The following SUN3 variants were observed in gnomAD, a reference collection of about 807,000 sequenced individuals.
SUN3 encodes SUN domain-containing protein 3.
A neutral mutation model predicts 48.2 loss-of-function variants in SUN3; 36 were observed. The ratio of observed to expected loss-of-function variants is 0.75; its 90% CI spans 0.57 to 0.99. SUN3 has a LOEUF of 0.99. Among genes scored for constraint, SUN3 ranks in the 50% least tolerant of loss-of-function variants. SUN3 has a pLI of 0.00. For missense variants in SUN3, 419 were observed against 433.1 expected (o/e 0.97, Z 0.29); for synonymous variants, 148 against 147.9 (o/e 1.00, Z 0.00).
At chr7:48,028,321 T>G (rs1329319251) in intron 1 of SUN3, among the ~76,000 whole-genome samples, 1 of 151,704 alleles carries the variant, frequency 6.6e-6, no homozygotes, top group Non-Finnish European at 1.5e-5. Context: ...ATGTTCTCAC[T>G]AGAGGAAACA....
intron 4 of SUN3, among the ~76,000 whole-genome samples, chr7:48,008,041 C>A (rs1005510785): frequency 6.6e-6 from 1 of 152,106 alleles, no homozygotes. Flanking sequence ...CCAGACTGGT[C>A]TCAAACTCCT....
chr7:47,991,814 G>C (rs1258761884), intron 8 of SUN3, among the ~76,000 whole-genome samples: 1 of 152,060 alleles, frequency 6.6e-6, no homozygotes. Context: ...GGGAGTGTGG[G>C]GGAAAGGAGC....
intron 5 of SUN3, 35 bp from the exon 6 acceptor site, chr7:48,006,088 A>G (rs771076057): frequency 2.1e-5 from 30 of 1,436,090 alleles, no homozygotes; most frequent in Admixed American, 5.8e-5. Flanking sequence ...TCTGTTAACA[A>G]TCTTTGCCAA....
At chr7:48,029,737 G>T (rs1790228736), upstream of SUN3, among the ~76,000 whole-genome samples, 1 of 152,174 alleles carries the variant, frequency 6.6e-6, no homozygotes, top group African/African-American at 2.4e-5. Context: ...AAACAGAATA[G>T]TTAGGTGGAA....
At chr7:47,988,919 G>T in intron 8 of SUN3, 39 bp from the exon 9 acceptor site, 1 of 1,153,584 alleles carries the variant, frequency 8.7e-7, no homozygotes, top group Non-Finnish European at 1.3e-6. Context: ...TGTAATGAAT[G>T]GATGCAGTTG....
At chr7:48,013,730 T>C (rs899659690) in intron 3 of SUN3, among the ~76,000 whole-genome samples, 2 of 152,160 alleles carry the variant, frequency 1.3e-5, no homozygotes, top group African/African-American at 2.4e-5. Context: ...ACTGGCTGAG[T>C]GCAGCGTTTC....
chr7:48,005,850 T>TCCC lies in SUN3; in HGVS notation c.577+116_577+118dup, dbSNP rs34145615. 436 of 450,382 alleles carry TCCC rather than the reference T, an allele frequency of 9.7e-4. 8 individuals carry two copies. Among genetic ancestry groups the TCCC allele is most frequent in the African/African-American group, 8.8e-3 (398 of 45,120 alleles). 27.9% of individuals were successfully genotyped at this position (450,382 alleles called of 1,614,324 possible). ...TCTTTATTATCTAAATTGATTAATT[T>TCCC]CCCCCCCCCAAGTTACCAGATAAAT... On this transcript the variant is annotated intron_variant, in intron 6 of 9. Transcript: ENST00000297325.
In SUN3 at chr7:47,987,335, T is replaced by C. The variant is rs754103834; in HGVS notation, c.1069A>G (p.Ile357Val). Reference protein sequence around the residue: ...FRVHGTPGKHI With the variant: ...FRVHGTPGKHV The stretch of plus-strand genomic sequence containing the variant: ...GGCCTTCTGTACCAACTCTTCTAGA[T>C]GTGCTTGCCTGGTGTGCCATGGACC... The change falls in exon 10 of 10, where the codon ATC (isoleucine) becomes GTC (valine). Residue 357 changes from isoleucine to valine, a missense_variant. Transcript: ENST00000297325. 5.6e-6 allele frequency: 9 copies of C among 1,611,930 alleles called. No homozygotes were observed. The Admixed American group carries it at 1.2e-4, about 21-fold the overall frequency.
At chr7:48,027,309 T>C (rs1336394497) in intron 1 of SUN3, among the ~76,000 whole-genome samples, 2 of 152,218 alleles carry the variant, frequency 1.3e-5, no homozygotes, top group African/African-American at 4.8e-5. Context: ...AATGCAGCTA[T>C]GAACATTCTT....
intron 6 of SUN3, among the ~76,000 whole-genome samples, chr7:48,002,694 T>C (rs183771245): frequency 1.3e-3 from 195 of 152,328 alleles, no homozygotes; most frequent in African/African-American, 4.5e-3. Context: ...GTTTACTCCA[T>C]TGATAGTTTC....
At chr7:48,008,299 G>T (rs545892054) in intron 4 of SUN3, among the ~76,000 whole-genome samples, 1 of 152,250 alleles carries the variant, frequency 6.6e-6, no homozygotes, top group South Asian at 2.1e-4. Flanking sequence ...GCATTTAGAA[G>T]AAATAAACAC....
chr7:48,012,361 A>T (rs1789707152), intron 3 of SUN3, among the ~76,000 whole-genome samples: 1 of 151,476 alleles, frequency 6.6e-6, no homozygotes, highest in Non-Finnish European at 1.5e-5. Context: ...CCATGGGCAA[A>T]GCCCAGTTTT....
intron 2 of SUN3, among the ~76,000 whole-genome samples, chr7:48,023,477 C>A (rs930202209): frequency 6.6e-6 from 1 of 151,426 alleles, no homozygotes; most frequent in South Asian, 2.1e-4. Context: ...TACAACAAAG[C>A]AATTAAACAC....
intron 1 of SUN3, 68 bp downstream of exon 1, chr7:48,028,749 A>G: frequency 6.3e-7 from 1 of 1,577,626 alleles, no homozygotes; most frequent in Non-Finnish European, 8.6e-7. Context: ...AGATGAACAG[A>G]CACAAGTGAC....
chr7:48,021,563 A>G lies in SUN3; in HGVS notation c.185-4198T>C, dbSNP rs536624211. Among the ~76,000 whole-genome samples the G allele has an allele frequency of 5.7e-4, 68 of 118,484 alleles. 2 individuals are homozygous for G. In the South Asian group the frequency reaches 9.9e-3, roughly 17 times the overall value. The allele number at this position is 118,484 out of a possible 152,430, so 77.7% of individuals were successfully genotyped here. A position where few individuals can be genotyped will look rare whatever the true frequency, so the allele number is the denominator to read the frequency against. ...AGGAGCTCAAACAACTCTACAGAGA[A>G]AAAAAAAAAAAACAAACCTAAATAA... On this transcript the variant is annotated intron_variant, in intron 2 of 9. Coordinates refer to ENST00000297325, the MANE Select transcript of SUN3 (RefSeq NM_001030019.2).
At position 48,002,151 on chromosome 7, in the gene SUN3, CTTTTTTTTTT is replaced by C. The variant is rs71006541; in HGVS notation, c.577+3808_577+3817del. 4.2e-4 allele frequency among the ~76,000 whole-genome samples: 27 copies of C among 64,154 alleles called. 3 individuals are homozygous for C. The highest frequency in any genetic ancestry group is 0.014 in the Middle Eastern group (1 of 70). 42.1% of individuals were successfully genotyped at this position (64,154 alleles called of 152,430 possible). A position where few individuals can be genotyped will look rare whatever the true frequency, so the allele number is the denominator to read the frequency against. On this transcript the variant is annotated intron_variant, in intron 6 of 9. Transcript: ENST00000297325. ...CATTGTGGTTTTGATTTGCATTTCTCTTTTTTTTTTTTTTTTTTTTTTTTTTGAGACGGAG... is the reference window on the plus strand; with the variant it reads ...CATTGTGGTTTTGATTTGCATTTCTCTTTTTTTTTTTTTTTTGAGACGGAG...
intron 5 of SUN3, 52 bp downstream of exon 5, chr7:48,007,113 C>G: frequency 6.4e-7 from 1 of 1,557,238 alleles, no homozygotes; most frequent in Non-Finnish European, 8.7e-7. Context: ...CCCTGGACAT[C>G]CGCGCTAACC....
At chr7:48,008,945 A>T (rs1280987408) in intron 4 of SUN3, 90 bp downstream of exon 4, 27 of 1,238,938 alleles carry the variant, frequency 2.2e-5, no homozygotes, top group Non-Finnish European at 3.0e-5. Flanking sequence ...TTCAGGGAGT[A>T]ACTTTTCTTT....
intron 7 of SUN3, among the ~76,000 whole-genome samples, chr7:47,995,208 G>A (rs1221609490): frequency 6.7e-6 from 1 of 149,324 alleles, no homozygotes; most frequent in South Asian, 2.1e-4. Context: ...ATGGACATGG[G>A]GGTGGTGATG....
Sources: gnomAD v4.1 joint callset for allele counts (sites outside exome capture counted in the v4.1 genomes callset) on GRCh38, gnomAD v4.1.1 for gene constraint, MANE v1.5 for transcripts, NCBI Gene and HGNC (gene_info 2026-07-23, HGNC 2026-07-21) for gene names.